ZBTB20: variants seen among roughly 807,000 people sequenced by gnomAD.
ZBTB20 encodes the protein zinc finger and BTB domain-containing protein 20.
Under a neutral mutation model 56.9 loss-of-function variants are expected in ZBTB20, and 9 were observed. That is an observed-to-expected ratio of 0.16 (90% CI 0.10 to 0.28). ZBTB20 has a LOEUF of 0.28. ZBTB20 is among the 10% of genes least tolerant of loss of function. The probability of loss-of-function intolerance (pLI) is 1.00; values close to 1 mark genes in which losing one functional copy is unlikely to be tolerated. For missense variants in ZBTB20, 655 were observed against 1,003.0 expected (o/e 0.65, Z 4.69); for synonymous variants, 417 against 420.7 (o/e 0.99, Z 0.11).
intron 3 of ZBTB20, among the ~76,000 whole-genome samples, chr3:114,921,420 G>A (rs2075954185): frequency 6.6e-6 from 1 of 151,990 alleles, no homozygotes; most frequent in African/African-American, 2.4e-5. Flanking sequence ...ACCGTGCCTG[G>A]CAAAAGAACT....
At chr3:115,072,129 T>C (rs753019578) in intron 1 of ZBTB20, among the ~76,000 whole-genome samples, 2 of 152,208 alleles carry the variant, frequency 1.3e-5, no homozygotes, top group Non-Finnish European at 2.9e-5. Flanking sequence ...TTAAACATTC[T>C]TGCGAGTAAA....
chr3:114,683,423 C>T (rs891225256), intron 6 of ZBTB20, among the ~76,000 whole-genome samples: 1 of 151,926 alleles, frequency 6.6e-6, no homozygotes, highest in Non-Finnish European at 1.5e-5. Context: ...GAAGAAGTTG[C>T]TGCAAATTGA....
At chr3:114,524,838 T>C (rs2047033045) in intron 6 of ZBTB20, among the ~76,000 whole-genome samples, 1 of 152,064 alleles carries the variant, frequency 6.6e-6, no homozygotes, top group Admixed American at 6.5e-5. Context: ...CCGCGGTCTC[T>C]TGAGTAGCTG....
chr3:115,141,734 C>T (rs1280510018), intron 1 of ZBTB20, among the ~76,000 whole-genome samples: 1 of 152,194 alleles, frequency 6.6e-6, no homozygotes, highest in Non-Finnish European at 1.5e-5. Context: ...AGATGGTTAG[C>T]CTTCACACAG....
intron 7 of ZBTB20, among the ~76,000 whole-genome samples, chr3:114,405,066 G>C (rs990873483): frequency 2.6e-5 from 4 of 151,924 alleles, no homozygotes; most frequent in African/African-American, 4.8e-5. Context: ...AACTTTCAAG[G>C]GTTGCAGTGT....
intron 5 of ZBTB20, among the ~76,000 whole-genome samples, chr3:114,742,037 A>T (rs1056731946): frequency 2.0e-5 from 3 of 152,182 alleles, no homozygotes; most frequent in Non-Finnish European, 4.4e-5. Flanking sequence ...TCTTAGAGTG[A>T]GTGATGGCAG....
intron 6 of ZBTB20, among the ~76,000 whole-genome samples, chr3:114,653,645 G>A (rs2060242685): frequency 6.6e-6 from 1 of 151,892 alleles, no homozygotes; most frequent in African/African-American, 2.4e-5. Flanking sequence ...AAATCAGGAA[G>A]TGTTTTGTTT....
intron 4 of ZBTB20, among the ~76,000 whole-genome samples, chr3:114,895,667 A>T (rs926660513): frequency 6.6e-5 from 10 of 152,090 alleles, no homozygotes; most frequent in African/African-American, 2.2e-4. Context: ...TATACTACTG[A>T]TTATAAAAAT....
At chr3:114,979,735 G>C (rs569048607) in intron 2 of ZBTB20, among the ~76,000 whole-genome samples, 4 of 152,070 alleles carry the variant, frequency 2.6e-5, no homozygotes, top group Non-Finnish European at 5.9e-5. Context: ...AGAAGACAAG[G>C]ATACATTCCT....
chr3:114,762,245 A>G (rs77542241), intron 5 of ZBTB20, among the ~76,000 whole-genome samples: 5,211 of 152,254 alleles, frequency 0.034, 142 homozygotes, highest in African/African-American at 0.07. Context: ...TAGATGAAAA[A>G]GCTTATTTGG....
chr3:114,759,769 T>G (rs1394139467), intron 5 of ZBTB20, among the ~76,000 whole-genome samples: 3 of 152,204 alleles, frequency 2.0e-5, no homozygotes, highest in Non-Finnish European at 4.4e-5. Flanking sequence ...TATGAACATT[T>G]ATTGACTCCC....
chr3:115,007,885 CT>C (rs537558552), intron 2 of ZBTB20, among the ~76,000 whole-genome samples: 2 of 152,000 alleles, frequency 1.3e-5, no homozygotes, highest in East Asian at 3.9e-4. Context: ...CAACTCCTTT[CT>C]TTCAAAAACA....
chr3:114,904,430 A>G (rs1192135434), intron 3 of ZBTB20: 3 of 152,018 alleles, frequency 2.0e-5, no homozygotes, highest in Non-Finnish European at 1.5e-5. Context: ...ACTATTTTAC[A>G]TGCTTTACAT....
intron 7 of ZBTB20, among the ~76,000 whole-genome samples, chr3:114,406,950 A>T (rs1211103219): frequency 6.6e-6 from 1 of 152,036 alleles, no homozygotes; most frequent in Admixed American, 6.6e-5. Context: ...ATGTAATTTA[A>T]TTTTTTTCTA....
At chr3:114,510,825 T>C (rs1320334088) in intron 6 of ZBTB20, among the ~76,000 whole-genome samples, 2 of 152,070 alleles carry the variant, frequency 1.3e-5, no homozygotes, top group East Asian at 3.9e-4. Flanking sequence ...TTAAAAAACA[T>C]CCGATCTTAC....
chr3:114,618,101 T>A (rs1356957271), intron 6 of ZBTB20, among the ~76,000 whole-genome samples: 2 of 151,380 alleles, frequency 1.3e-5, no homozygotes, highest in Non-Finnish European at 2.9e-5. Context: ...CTAAATCTAC[T>A]GCAGTATCCC....
At chr3:114,659,730 T>C (rs1434707440) in intron 6 of ZBTB20, among the ~76,000 whole-genome samples, 1 of 152,156 alleles carries the variant, frequency 6.6e-6, no homozygotes, top group African/African-American at 2.4e-5. Flanking sequence ...GGGAGAACAG[T>C]CTTTCAGTGA....
At chr3:114,993,210 A>G (rs1011275515) in intron 2 of ZBTB20, among the ~76,000 whole-genome samples, 1 of 151,964 alleles carries the variant, frequency 6.6e-6, no homozygotes, top group Non-Finnish European at 1.5e-5. Flanking sequence ...GTTCAGTACT[A>G]ACAAATGCCA....
intron 1 of ZBTB20, among the ~76,000 whole-genome samples, chr3:115,106,765 C>T (rs2083735309): frequency 6.6e-6 from 1 of 152,120 alleles, no homozygotes; most frequent in Admixed American, 6.5e-5. Flanking sequence ...TCTCTCCCTA[C>T]AAGACTAAGA....
Sources: allele counts gnomAD v4.1 joint callset (sites outside exome capture counted in the v4.1 genomes callset), GRCh38; gene constraint gnomAD v4.1.1; transcripts MANE v1.5; gene names NCBI Gene and HGNC (gene_info 2026-07-23, HGNC 2026-07-21).